The following TOP1MT variants were observed in gnomAD, a reference collection of about 807,000 sequenced individuals.
The protein encoded by TOP1MT is DNA topoisomerase I, mitochondrial.
A neutral mutation model predicts 73.9 loss-of-function variants in TOP1MT; 80 were observed. The observed-to-expected ratio is 1.08, with a 90% CI of 0.90 to 1.30. The LOEUF is 1.30. Among genes scored for constraint, TOP1MT ranks in the 50% most tolerant of loss-of-function variants. TOP1MT has a pLI of 0.00. For synonymous variants in TOP1MT, 338 were observed against 326.4 expected (o/e 1.04, Z -0.38); for missense variants, 815 against 808.0 (o/e 1.01, Z -0.10).
intron 9 of TOP1MT, 45 bp from the exon 10 acceptor site, chr8:143,317,882 C>T (rs372556465): frequency 2.6e-5 from 42 of 1,603,344 alleles, no homozygotes; most frequent in Non-Finnish European, 3.2e-5. Flanking sequence ...TTTGCGGGGC[C>T]GTCCCAGCCT....
At chr8:143,320,827 G>GCT (rs892841398) in intron 8 of TOP1MT, among the ~76,000 whole-genome samples, 1 of 152,182 alleles carries the variant, frequency 6.6e-6, no homozygotes, top group Non-Finnish European at 1.5e-5. Context: ...GCGGGATGTG[G>GCT]CTCTGCCAGC....
upstream of TOP1MT, among the ~76,000 whole-genome samples, chr8:143,335,348 G>A (rs2467953): frequency 0.11 from 16,747 of 152,204 alleles, 3,139 homozygotes; most frequent in African/African-American, 0.38. Context: ...CTTCCAGGAC[G>A]CAGAAACCGG....
intron 7 of TOP1MT, 82 bp from the exon 8 acceptor site, chr8:143,321,468 ACAC>A: frequency 8.7e-7 from 1 of 1,144,286 alleles, no homozygotes; most frequent in East Asian, 2.6e-5. Flanking sequence ...CGCACGCCAC[ACAC>A]GCACGCCACA....
chr8:143,325,472 T>C lies in TOP1MT; in HGVS notation c.545A>G (p.His182Arg). 1 of 1,613,556 alleles carries C rather than the reference T, an allele frequency of 6.2e-7. No homozygotes were observed. The highest frequency in any genetic ancestry group is 8.5e-7 in the Non-Finnish European group (1 of 1,179,486). ...QEFGYCILDG[H>R]QEKIGNFKIE... ...CTTGAAGTTGCCTATTTTTTCTTGG[T>C]GACCATCTAAAATACAGTAGCCGAA... Residue 182 changes from histidine (H) to arginine (R), a missense_variant, in exon 5 of 14, where the codon CAC (histidine) becomes CGC (arginine). His to Arg is a conservative substitution (Grantham distance 29). Transcript: ENST00000329245.
intron 6 of TOP1MT, 79 bp downstream of exon 6, chr8:143,324,406 C>G: frequency 2.5e-6 from 4 of 1,595,684 alleles, no homozygotes; most frequent in Non-Finnish European, 8.5e-7. Context: ...TCTGCCGGTG[C>G]CCGGCTTACA....
intron 12 of TOP1MT, among the ~76,000 whole-genome samples, chr8:143,313,943 C>T (rs1267141214): frequency 6.6e-6 from 1 of 151,884 alleles, no homozygotes; most frequent in Admixed American, 6.6e-5. Context: ...AATAAAACAA[C>T]AACCCGACTG....
At chr8:143,312,763 A>C (rs1816047012) in intron 12 of TOP1MT, among the ~76,000 whole-genome samples, 1 of 152,248 alleles carries the variant, frequency 6.6e-6, no homozygotes, top group Non-Finnish European at 1.5e-5. Flanking sequence ...AAGTAAAACT[A>C]TCTCTGTTTG....
At chr8:143,330,514 A>T (rs1816824591) in intron 2 of TOP1MT, among the ~76,000 whole-genome samples, 1 of 152,252 alleles carries the variant, frequency 6.6e-6, no homozygotes, top group Non-Finnish European at 1.5e-5. Context: ...AAAGGAGCTC[A>T]GCAAACTCAG....
chr8:143,351,826 G>A (rs762664704), intron 1 of TOP1MT, among the ~76,000 whole-genome samples: 1 of 152,202 alleles, frequency 6.6e-6, no homozygotes, highest in Non-Finnish European at 1.5e-5. Flanking sequence ...GCTCATGCCT[G>A]TAATCCCAGC....
intron 7 of TOP1MT, among the ~76,000 whole-genome samples, chr8:143,321,635 G>C (rs139858103): frequency 0.13 from 2,911 of 21,900 alleles, 308 homozygotes; most frequent in African/African-American, 0.28. Flanking sequence ...GCCACACACA[G>C]GCACGCCACA....
intron 5 of TOP1MT, 58 bp downstream of exon 5, chr8:143,325,288 C>G: frequency 6.7e-7 from 1 of 1,484,962 alleles, no homozygotes; most frequent in Non-Finnish European, 9.1e-7. Context: ...GAAGAAAAGC[C>G]AGCCTCACCC....
intron 1 of TOP1MT, among the ~76,000 whole-genome samples, chr8:143,332,056 T>A (rs557907061): frequency 6.7e-4 from 97 of 145,094 alleles, no homozygotes; most frequent in Admixed American, 2.2e-3. Flanking sequence ...GCTCTGGAGA[T>A]TGGGGGGGTG....
upstream of TOP1MT, among the ~76,000 whole-genome samples, chr8:143,346,012 T>A (rs1817214383): frequency 6.6e-6 from 1 of 152,188 alleles, no homozygotes; most frequent in African/African-American, 2.4e-5. Flanking sequence ...TGGCAGTGGC[T>A]TTCCAGAGGG....
chr8:143,339,132 C>T (rs1817030828), upstream of TOP1MT, among the ~76,000 whole-genome samples: 1 of 152,198 alleles, frequency 6.6e-6, no homozygotes, highest in Admixed American at 6.5e-5. Context: ...GGAGGCGGCG[C>T]CGCCCAGCAG....
rs117650114 is a variant in TOP1MT at position 143,330,344 on chromosome 8, C to T, written c.239-873G>A. Among the ~76,000 whole-genome samples the T allele has an allele frequency of 1.6e-3, 250 of 152,336 alleles. 5 individuals carry two copies. In the East Asian group the frequency reaches 0.035, roughly 21 times the overall value. On this transcript the variant is annotated intron_variant, in intron 2 of 13. Transcript: ENST00000329245. Reference sequence around the variant, plus strand: ...TCCTGCAGGGCTGCTGTGGGGCAGGCGAGGCAGCCGCTACACCAGGCCAGG... The same window carrying T: ...TCCTGCAGGGCTGCTGTGGGGCAGGTGAGGCAGCCGCTACACCAGGCCAGG...
chr8:143,332,467 G>A, intron 1 of TOP1MT: 2 of 1,287,252 alleles, frequency 1.6e-6, no homozygotes, highest in Non-Finnish European at 2.0e-6. Context: ...AGGACAGAAG[G>A]TTCCAGATCA....
chr8:143,342,776 CTATTAT>C (rs748359888), intron 2 of TOP1MT, among the ~76,000 whole-genome samples: 1 of 78,732 alleles, frequency 1.3e-5, no homozygotes, highest in African/African-American at 3.7e-5. Context: ...GAGTCTTGCT[CTATTAT>C]TATTATTATT....
Position 143,321,378 on chromosome 8 carries a change from C to T in TOP1MT, c.969G>A (p.Leu323=), listed in dbSNP as rs1275560180. 4 of 1,585,650 alleles carry T rather than the reference C, an allele frequency of 2.5e-6. No individual in the cohort carries two copies. The highest frequency in any genetic ancestry group is 3.4e-6 in the Non-Finnish European group (4 of 1,159,982). The change falls in exon 8 of 14, where the codon CTG becomes CTA. Residue 323 remains leucine, a synonymous_variant. Transcript: ENST00000329245. ...CGTCCTCCTTCTCATTTCCTGCTCTCAGTGCCAGCTAGTTGGTGGGGAATG... is the reference window on the plus strand; with the variant it reads ...CGTCCTCCTTCTCATTTCCTGCTCTTAGTGCCAGCTAGTTGGTGGGGAATG... ...VALYFIDKLA[L]RAGNEKEDGE...
upstream of TOP1MT, chr8:143,358,621 G>C (rs1268566647): frequency 6.6e-6 from 1 of 152,272 alleles, no homozygotes; most frequent in Non-Finnish European, 1.5e-5. Flanking sequence ...GCTTCAAATT[G>C]GGCCCCGACT....
Sources: gnomAD v4.1 joint callset for allele counts (sites outside exome capture counted in the v4.1 genomes callset) on GRCh38, gnomAD v4.1.1 for gene constraint, MANE v1.5 for transcripts, NCBI Gene and HGNC (gene_info 2026-07-23, HGNC 2026-07-21) for gene names.